The following PKHD1L1 variants were observed in gnomAD, a reference collection of about 807,000 sequenced individuals.
The protein encoded by PKHD1L1 is fibrocystin-L.
PKHD1L1 carries 434 observed loss-of-function variants against 462.9 expected under a neutral mutation model. The observed-to-expected ratio is 0.94, with a 90% CI of 0.87 to 1.02. The LOEUF is 1.02. Among genes scored for constraint, PKHD1L1 ranks in the 50% least tolerant of loss-of-function variants. PKHD1L1 has a pLI of 0.00. For synonymous variants in PKHD1L1, 1,781 were observed against 1,750.0 expected (o/e 1.02, Z -0.44); for missense variants, 5,202 against 5,096.1 (o/e 1.02, Z -0.63).
chr8:109,386,106 AT>A (rs1812430802), intron 6 of PKHD1L1, among the ~76,000 whole-genome samples: 1 of 152,182 alleles, frequency 6.6e-6, no homozygotes, highest in Non-Finnish European at 1.5e-5. Flanking sequence ...GAAACCAAAC[AT>A]TGTCAATAAC....
At chr8:109,425,030 C>A (rs1814663641) in intron 23 of PKHD1L1, 55 bp from the exon 24 acceptor site, 3 of 1,351,538 alleles carry the variant, frequency 2.2e-6, no homozygotes, top group Admixed American at 2.7e-5. Context: ...AAATAGAAAT[C>A]ATGTAAGCCA....
intron 74 of PKHD1L1, among the ~76,000 whole-genome samples, 179 bp downstream of exon 74, chr8:109,522,516 G>T (rs1448571573): frequency 2.6e-5 from 4 of 152,114 alleles, no homozygotes; most frequent in African/African-American, 7.2e-5. Context: ...GAACAAAGGA[G>T]CATATCTTCC....
Position 109,400,319 on chromosome 8 carries a change from G to A in PKHD1L1, c.1256G>A (p.Ser419Asn). 6.2e-7 allele frequency: 1 copy of A among 1,613,148 alleles called. No homozygotes were observed. Among genetic ancestry groups the A allele is most frequent in the African/African-American group, 1.3e-5 (1 of 74,982 alleles). Residue 419 changes from serine to asparagine, a missense_variant, in exon 13 of 78, where the codon AGC (serine) becomes AAC (asparagine). Ser to Asn is a conservative substitution (Grantham distance 46). Transcript: ENST00000378402. ...KGDDRYAIYF[S>N]QTGLPEDKVR... ...GATGACCGTTATGCTATTTATTTTA[G>A]CCAGACTGGACTTCCAGAAGATAAG...
rs1176311139 is a variant in PKHD1L1, at chr8:109,452,146, A to T, written c.6373A>T (p.Ile2125Phe). The T allele has an allele frequency of 2.5e-6, 4 of 1,611,238 alleles. No individual in the cohort carries two copies. The highest frequency in any genetic ancestry group is 3.4e-6 in the Non-Finnish European group (4 of 1,178,890). ...CAGTGAAAATATGGAGGATGTTCAT[A>T]TCACCATAGCTGAAGCCAAATGTGA... The part of the protein sequence containing the change: ...GFSENMEDVH[I>F]TIAEAKCDVE... The change falls in exon 42 of 78, where the codon ATC (isoleucine) becomes TTC (phenylalanine). Residue 2125 changes from isoleucine (I) to phenylalanine (F), a missense_variant. Transcript: ENST00000378402.
At chr8:109,428,537 C>T (rs1814904581) in intron 25 of PKHD1L1, among the ~76,000 whole-genome samples, 1 of 152,006 alleles carries the variant, frequency 6.6e-6, no homozygotes, top group African/African-American at 2.4e-5. Context: ...TAGTAATAGT[C>T]ATAAGGATAT....
intron 21 of PKHD1L1, among the ~76,000 whole-genome samples, 178 bp from the exon 22 acceptor site, chr8:109,418,919 A>G (rs185072158): frequency 2.0e-5 from 3 of 152,320 alleles, no homozygotes; most frequent in African/African-American, 4.8e-5. Context: ...TTTACTGCCA[A>G]TGTAAGTTTC....
intron 32 of PKHD1L1, 136 bp from the exon 33 acceptor site, chr8:109,440,574 T>A (rs924116769): frequency 1.6e-6 from 1 of 637,680 alleles, no homozygotes. Flanking sequence ...ATTGCCAGAT[T>A]GTCTATCTTG....
chr8:109,437,267 A>G (rs1022132744), intron 30 of PKHD1L1, among the ~76,000 whole-genome samples: 4 of 152,218 alleles, frequency 2.6e-5, no homozygotes, highest in African/African-American at 9.6e-5. Flanking sequence ...TTAAATTTTC[A>G]GTTTCACAAA....
rs771022142 is a variant in PKHD1L1, at chr8:109,427,009, C to T, written c.2853C>T (p.Pro951=). ...ACCCCTCTGTGAGTGCAGGCCTCCC[C>T]GCTGCTGTGTCAGCTGCAGATCTGC... ...QAYGHILKGL[P]AAVSAADLQF... is the part of the protein sequence containing the mutation. Residue 951 remains proline, a synonymous_variant, in exon 25 of 78, where the codon CCC becomes CCT. Transcript: ENST00000378402. The T allele has an allele frequency of 2.8e-5, 43 of 1,522,380 alleles. No homozygotes were observed. Among genetic ancestry groups the T allele is most frequent in the Admixed American group, 1.0e-4 (6 of 59,840 alleles). 94.3% of individuals were successfully genotyped at this position (1,522,380 alleles called of 1,614,324 possible). A position where few individuals can be genotyped will look rare whatever the true frequency, so the allele number is the denominator to read the frequency against.
rs558383797 is a variant in PKHD1L1 at position 109,383,350 on chromosome 8, T to C, written c.418-720T>C. Among the ~76,000 whole-genome samples, 787 of 111,698 alleles carry C rather than the reference T, an allele frequency of 7.0e-3. 6 individuals are homozygous for C. Among genetic ancestry groups the C allele is most frequent in the Middle Eastern group, 0.054 (11 of 204 alleles). The allele number at this position is 111,698 out of a possible 152,430, so 73.3% of individuals were successfully genotyped here. ...AATATTATATATAATATATATTTTATATTATATATTATAATATATTATATA... is the reference window on the plus strand; with the variant it reads ...AATATTATATATAATATATATTTTACATTATATATTATAATATATTATATA... On this transcript the variant is annotated intron_variant, in intron 4 of 77. Coordinates refer to ENST00000378402, the MANE Select transcript of PKHD1L1 (RefSeq NM_177531.6).
At chr8:109,433,084 T>C (rs1472744830) in intron 27 of PKHD1L1, 22 bp from the exon 28 acceptor site, 9 of 1,485,106 alleles carry the variant, frequency 6.1e-6, no homozygotes, top group Admixed American at 1.9e-5. Flanking sequence ...TTAATATTGT[T>C]ATTTAAATTG....
rs968709641 is a variant in PKHD1L1, at chr8:109,483,953, A to G, written c.9576+848A>G. Among the ~76,000 whole-genome samples, 5 of 151,758 alleles carry G rather than the reference A, an allele frequency of 3.3e-5. No individual in the cohort carries two copies. The Admixed American group carries it at 3.3e-4, about 10-fold the overall frequency. On this transcript the variant is annotated intron_variant, in intron 57 of 77. Transcript: ENST00000378402. ...TAGAGTCCACAGGTTTTACAAATACATTTTTTAATGCCAAGAAAAATTAGA... is the reference window on the plus strand; with the variant it reads ...TAGAGTCCACAGGTTTTACAAATACGTTTTTTAATGCCAAGAAAAATTAGA...
intron 70 of PKHD1L1, among the ~76,000 whole-genome samples, chr8:109,510,453 A>C (rs1461791850): frequency 6.6e-6 from 1 of 152,180 alleles, no homozygotes; most frequent in Non-Finnish European, 1.5e-5. Flanking sequence ...ATTATCATTA[A>C]AGAAGAGATA....
At chr8:109,370,982 T>C (rs189222647) in intron 2 of PKHD1L1, among the ~76,000 whole-genome samples, 1 of 152,228 alleles carries the variant, frequency 6.6e-6, no homozygotes, top group Non-Finnish European at 1.5e-5. Flanking sequence ...TGTGCATGTG[T>C]CTTTATAGGA....
chr8:109,533,170 C>A lies in PKHD1L1; in HGVS notation c.*3080C>A, dbSNP rs950214812. Among the ~76,000 whole-genome samples, 11 of 152,222 alleles carry A rather than the reference C, an allele frequency of 7.2e-5. No individual in the cohort carries two copies. The highest frequency in any genetic ancestry group is 2.7e-4 in the African/African-American group (11 of 41,458). ...TGCTTCATTGGGAAGAGTTTTTAAT[C>A]CAAATTCCTGTTCAAATTCTTGGTT... is the stretch of plus-strand genomic sequence containing the variant. On this transcript the variant is annotated 3_prime_UTR_variant, in exon 78 of 78. Transcript: ENST00000378402.
At chr8:109,481,687 A>C in intron 56 of PKHD1L1, 125 bp downstream of exon 56, 1 of 913,950 alleles carries the variant, frequency 1.1e-6, no homozygotes, top group Non-Finnish European at 1.4e-6. Flanking sequence ...CTTCTGATAC[A>C]AAAGTATCAG....
Position 109,365,779 on chromosome 8 carries a change from T to C in PKHD1L1, c.163+1143T>C, listed in dbSNP as rs114776587. ...TCACGAGGTCAGGAGATGGAGACAA[T>C]TGTGGCCAACATGGTGAAACCCCGT... On this transcript the variant is annotated intron_variant, in intron 2 of 77. Coordinates refer to ENST00000378402, the MANE Select transcript of PKHD1L1 (RefSeq NM_177531.6). 9.6e-3 allele frequency among the ~76,000 whole-genome samples: 1,455 copies of C among 152,192 alleles called. 20 individuals carry two copies. The highest frequency in any genetic ancestry group is 0.033 in the African/African-American group (1,373 of 41,520).
rs1563724824 is a variant in PKHD1L1, at chr8:109,384,053, C to T, written c.418-17C>T. 5 of 1,554,960 alleles carry T rather than the reference C, an allele frequency of 3.2e-6. No homozygotes were observed. The highest frequency in any genetic ancestry group is 2.2e-5 in the East Asian group (1 of 44,452). On this transcript the variant is annotated splice_polypyrimidine_tract_variant and intron_variant, in intron 4 of 77. Transcript: ENST00000378402. Reference sequence around the variant, plus strand: ...AAACAGAGATAAGTTTTCATATTGACATTATTCTTTTTACAGGCAAAAAGT... The same window carrying T: ...AAACAGAGATAAGTTTTCATATTGATATTATTCTTTTTACAGGCAAAAAGT...
At chr8:109,369,878 T>A (rs1002445199) in intron 2 of PKHD1L1, among the ~76,000 whole-genome samples, 1 of 152,188 alleles carries the variant, frequency 6.6e-6, no homozygotes, top group South Asian at 2.1e-4. Context: ...AATGCAAATG[T>A]CTCTCACATG....
Sources: allele counts gnomAD v4.1 joint callset (sites outside exome capture counted in the v4.1 genomes callset), GRCh38; gene constraint gnomAD v4.1.1; transcripts MANE v1.5; gene names NCBI Gene and HGNC (gene_info 2026-07-23, HGNC 2026-07-21).